GALNT13: variants seen among roughly 807,000 people sequenced by gnomAD.
GALNT13 encodes the protein polypeptide N-acetylgalactosaminyltransferase 13, also known as UDP-GalNAc:polypeptide N-acetylgalactosaminyltransferase 13.
A neutral mutation model predicts 64.2 loss-of-function variants in GALNT13; 28 were observed. That is an observed-to-expected ratio of 0.44 (90% confidence interval 0.32 to 0.60). The LOEUF is 0.60. Among genes scored for constraint, GALNT13 ranks in the 20% least tolerant of loss-of-function variants. The pLI is 0.05. For missense variants in GALNT13, 577 were observed against 669.8 expected (o/e 0.86, Z 1.53); for synonymous variants, 214 against 224.6 (o/e 0.95, Z 0.42).
the GALNT13 span, among the ~76,000 whole-genome samples, chr2:153,850,696 A>G: frequency 6.6e-6 from 1 of 152,200 alleles, no homozygotes; most frequent in Admixed American, 6.5e-5. Context: ...ATGCTTAATA[A>G]ACACATAGAA....
the GALNT13 span, among the ~76,000 whole-genome samples, chr2:153,310,594 T>C: frequency 1.3e-5 from 2 of 152,230 alleles, no homozygotes; most frequent in Admixed American, 1.3e-4. Flanking sequence ...TTATTTTCCC[T>C]AGCTTACTTT....
intron 12 of GALNT13, chr2:154,446,883 G>A: frequency 9.9e-7 from 1 of 1,009,184 alleles, no homozygotes; most frequent in Non-Finnish European, 1.4e-6. Flanking sequence ...TTTCTCCATG[G>A]AGTTAACTCT....
chr2:153,196,259 C>T, the GALNT13 span, among the ~76,000 whole-genome samples: 4,596 of 152,318 alleles, frequency 0.03, 93 homozygotes, highest in Middle Eastern at 0.048. Flanking sequence ...CCAGGCTGCT[C>T]ATGCCAAGGG....
At chr2:153,354,193 G>A in the GALNT13 span, 1 of 152,128 alleles carries the variant, frequency 6.6e-6, no homozygotes, top group African/African-American at 2.4e-5. Context: ...AAAAAAATAA[G>A]CCCTAGACAT....
intron 3 of GALNT13, among the ~76,000 whole-genome samples, chr2:154,010,102 T>A (rs1035215943): frequency 3.9e-5 from 6 of 152,190 alleles, no homozygotes; most frequent in African/African-American, 1.4e-4. Flanking sequence ...ATCATATAGT[T>A]GTGAAGAGAG....
intron 4 of GALNT13, among the ~76,000 whole-genome samples, chr2:154,220,327 TGTAA>T (rs1688260595): frequency 6.6e-6 from 1 of 152,058 alleles, no homozygotes; most frequent in Non-Finnish European, 1.5e-5. Flanking sequence ...AGAAAGAACC[TGTAA>T]ATAGATGTTA....
chr2:154,028,743 ACAT>A (rs577869467), intron 3 of GALNT13, among the ~76,000 whole-genome samples: 118 of 152,276 alleles, frequency 7.7e-4, no homozygotes, highest in Middle Eastern at 3.4e-3. Context: ...TTTCATAAGG[ACAT>A]ATATGATACA....
chr2:153,789,623 T>A, the GALNT13 span, among the ~76,000 whole-genome samples: 17 of 151,800 alleles, frequency 1.1e-4, no homozygotes, highest in Admixed American at 8.5e-4. Flanking sequence ...GGCACAAAAG[T>A]GTATTAAAAA....
At chr2:153,177,103 T>C in the GALNT13 span, among the ~76,000 whole-genome samples, 53 of 151,362 alleles carry the variant, frequency 3.5e-4, no homozygotes, top group East Asian at 8.7e-3. Flanking sequence ...ACAAATAGCA[T>C]TGATTAATAC....
At chr2:154,315,038 C>T (rs1047264325) in intron 9 of GALNT13, among the ~76,000 whole-genome samples, 29 of 152,042 alleles carry the variant, frequency 1.9e-4, no homozygotes, top group Non-Finnish European at 4.1e-4. Flanking sequence ...AATTAAGAAA[C>T]CCAGTCTTTT....
the GALNT13 span, among the ~76,000 whole-genome samples, chr2:153,196,292 C>T: frequency 6.6e-6 from 1 of 152,000 alleles, no homozygotes; most frequent in Non-Finnish European, 1.5e-5. Flanking sequence ...CAGTGCCAAG[C>T]TGCCCTCAGC....
intron 8 of GALNT13, among the ~76,000 whole-genome samples, chr2:154,259,672 G>A (rs1284895333): frequency 1.3e-5 from 2 of 151,944 alleles, no homozygotes; most frequent in African/African-American, 2.4e-5. Context: ...TAAAAATTGA[G>A]GAATAAGTCC....
chr2:154,391,458 A>C (rs1698788095), intron 9 of GALNT13, among the ~76,000 whole-genome samples: 1 of 152,122 alleles, frequency 6.6e-6, no homozygotes, highest in African/African-American at 2.4e-5. Flanking sequence ...ATTGCATATT[A>C]ACTAGATTTT....
the GALNT13 span, among the ~76,000 whole-genome samples, chr2:153,530,735 C>G: frequency 2.0e-5 from 3 of 152,074 alleles, no homozygotes; most frequent in African/African-American, 7.2e-5. Flanking sequence ...AACAAATCCA[C>G]ACACCTACAG....
At chr2:153,071,846 T>TA in the GALNT13 span, among the ~76,000 whole-genome samples, 1 of 152,172 alleles carries the variant, frequency 6.6e-6, no homozygotes, top group East Asian at 1.9e-4. Context: ...TTATGGGTTT[T>TA]AAAAAATGTA....
the GALNT13 span, among the ~76,000 whole-genome samples, chr2:153,677,770 A>G: frequency 2.6e-5 from 4 of 152,062 alleles, no homozygotes; most frequent in Non-Finnish European, 4.4e-5. Flanking sequence ...CAACAAAAAC[A>G]AACAATGGGG....
chr2:153,171,194 A>T, the GALNT13 span, among the ~76,000 whole-genome samples: 1 of 152,218 alleles, frequency 6.6e-6, no homozygotes, highest in Non-Finnish European at 1.5e-5. Flanking sequence ...CAGTTTATGT[A>T]TAGGCACGTG....
At chr2:153,313,413 T>C in the GALNT13 span, among the ~76,000 whole-genome samples, 3 of 152,126 alleles carry the variant, frequency 2.0e-5, no homozygotes, top group East Asian at 3.9e-4. Context: ...TGGATGGAGC[T>C]GGAGGCTATT....
At chr2:153,693,279 A>G in the GALNT13 span, among the ~76,000 whole-genome samples, 1 of 152,218 alleles carries the variant, frequency 6.6e-6, no homozygotes, top group Non-Finnish European at 1.5e-5. Flanking sequence ...GAATTTTGAG[A>G]AAAGTCATGG....
Sources: allele counts gnomAD v4.1 joint callset (sites outside exome capture counted in the v4.1 genomes callset), GRCh38; gene constraint gnomAD v4.1.1; transcripts MANE v1.5; gene names NCBI Gene and HGNC (gene_info 2026-07-23, HGNC 2026-07-21).